Variants in SORCS1 observed in about 807,000 individuals in gnomAD.
The protein encoded by SORCS1 is sortilin related VPS10 domain containing receptor 1.
SORCS1 carries 60 observed loss-of-function variants against 146.1 expected under a neutral mutation model. The observed-to-expected ratio is 0.41, with a 90% CI of 0.33 to 0.51. The LOEUF is 0.51. SORCS1 is among the 20% of genes least tolerant of loss of function. The pLI is 0.21. For missense variants in SORCS1, 1,352 were observed against 1,487.6 expected (o/e 0.91, Z 1.50); for synonymous variants, 637 against 584.0 (o/e 1.09, Z -1.31).
chr10:106,965,779 T>G (rs541224841), intron 1 of SORCS1, among the ~76,000 whole-genome samples: 10 of 152,330 alleles, frequency 6.6e-5, no homozygotes, highest in African/African-American at 2.4e-4. Context: ...TGAAATGCCC[T>G]CGCTTTCTGT....
chr10:107,139,794 G>C (rs1182218840), intron 1 of SORCS1, among the ~76,000 whole-genome samples: 1 of 152,142 alleles, frequency 6.6e-6, no homozygotes, highest in Non-Finnish European at 1.5e-5. Flanking sequence ...TAATAACCCA[G>C]ACATGGCTAA....
At chr10:106,785,498 T>C (rs1032604369) in intron 3 of SORCS1, among the ~76,000 whole-genome samples, 1 of 152,212 alleles carries the variant, frequency 6.6e-6, no homozygotes, top group African/African-American at 2.4e-5. Flanking sequence ...TGTCCAGTGA[T>C]GGTTTATTTC....
chr10:107,122,108 T>C (rs1026170968), intron 1 of SORCS1, among the ~76,000 whole-genome samples: 6 of 152,172 alleles, frequency 3.9e-5, no homozygotes, highest in African/African-American at 1.4e-4. Flanking sequence ...AGACTGGTTT[T>C]GGCTTTGTCT....
chr10:106,669,023 A>G (rs1851384101), intron 16 of SORCS1, among the ~76,000 whole-genome samples: 1 of 152,140 alleles, frequency 6.6e-6, no homozygotes, highest in African/African-American at 2.4e-5. Context: ...CAGAAATCCC[A>G]CTGGACCAGA....
intron 21 of SORCS1, among the ~76,000 whole-genome samples, chr10:106,615,805 AC>A (rs1267407162): frequency 1.3e-5 from 2 of 152,136 alleles, no homozygotes; most frequent in Non-Finnish European, 2.9e-5. Flanking sequence ...AGAGTGATTC[AC>A]CCTTGGGTGA....
At chr10:107,140,584 T>C (rs72814906) in intron 1 of SORCS1, among the ~76,000 whole-genome samples, 10,266 of 152,272 alleles carry the variant, frequency 0.067, 366 homozygotes, top group Non-Finnish European at 0.078. Context: ...AGTAGAAAAT[T>C]CTTACATTAT....
At chr10:106,615,360 G>A (rs1847286232) in intron 21 of SORCS1, among the ~76,000 whole-genome samples, 1 of 152,154 alleles carries the variant, frequency 6.6e-6, no homozygotes, top group Non-Finnish European at 1.5e-5. Context: ...TAATCACACT[G>A]GAAACCCACG....
At chr10:106,830,472 G>T (rs189261075) in intron 2 of SORCS1, among the ~76,000 whole-genome samples, 209 of 150,518 alleles carry the variant, frequency 1.4e-3, no homozygotes, top group African/African-American at 4.8e-3. Flanking sequence ...CTTATTCAAA[G>T]AAATTTAAAA....
intron 24 of SORCS1, among the ~76,000 whole-genome samples, chr10:106,591,896 A>G (rs551154127): frequency 1.3e-5 from 2 of 152,324 alleles, no homozygotes; most frequent in East Asian, 1.9e-4. Context: ...AAATATTCCA[A>G]TCTGGAATAT....
chr10:106,750,903 T>C (rs1293386581), intron 5 of SORCS1, among the ~76,000 whole-genome samples: 1 of 140,518 alleles, frequency 7.1e-6, no homozygotes, highest in Non-Finnish European at 1.6e-5. Context: ...ACTAAAAATA[T>C]AAAAAAATCA....
chr10:106,671,444 G>A, intron 15 of SORCS1, 77 bp from the exon 16 acceptor site: 1 of 1,581,330 alleles, frequency 6.3e-7, no homozygotes, highest in Non-Finnish European at 8.6e-7. Flanking sequence ...GACATTTAGG[G>A]AGACATTTGC....
intron 2 of SORCS1, among the ~76,000 whole-genome samples, chr10:106,865,593 C>T (rs1227857547): frequency 2.6e-5 from 4 of 151,768 alleles, no homozygotes; most frequent in Non-Finnish European, 4.4e-5. Flanking sequence ...GGCGTGGCAG[C>T]GGGCACCTGT....
intron 2 of SORCS1, among the ~76,000 whole-genome samples, chr10:106,894,270 CGTGTGTGTGTGTGT>C (rs3982431): frequency 9.9e-5 from 14 of 141,456 alleles, no homozygotes; most frequent in African/African-American, 2.3e-4. Context: ...CGCACGTGTG[CGTGTGTGTGTGTGT>C]GTGTGTGTGT....
intron 2 of SORCS1, among the ~76,000 whole-genome samples, chr10:106,928,273 G>A (rs1430504153): frequency 6.6e-6 from 1 of 152,238 alleles, no homozygotes. Context: ...AAGGCCAGGC[G>A]AGAAATCGAG....
rs142672801 is a variant in SORCS1, at chr10:106,894,237, A to ATG, written c.626+62274_626+62275dup. Among the ~76,000 whole-genome samples the ATG allele has an allele frequency of 1.3e-3, 187 of 140,932 alleles. 1 individual carries two copies. In the South Asian group the frequency reaches 0.016, roughly 12 times the overall value. 92.5% of individuals were successfully genotyped at this position (140,932 alleles called of 152,430 possible). A position where few individuals can be genotyped will look rare whatever the true frequency, so the allele number is the denominator to read the frequency against. ...TAGGAAGTTAGTGGGGCATGTGTGC[A>ATG]TGTGTGTGTGTGTGTGCGCGCGCGC... On this transcript the variant is annotated intron_variant, in intron 2 of 25. Coordinates refer to ENST00000263054, the MANE Select transcript of SORCS1 (RefSeq NM_052918.5).
At chr10:106,829,539 A>G in intron 3 of SORCS1, 35 bp downstream of exon 3, 1 of 1,488,794 alleles carries the variant, frequency 6.7e-7, no homozygotes, top group Non-Finnish European at 9.3e-7. Context: ...AAGTCACATC[A>G]TGAATGAGTA....
intron 1 of SORCS1, among the ~76,000 whole-genome samples, chr10:107,068,894 C>T (rs538781892): frequency 8.3e-4 from 125 of 151,270 alleles, no homozygotes; most frequent in Middle Eastern, 3.4e-3. Context: ...AAGGAAACCT[C>T]ACCATGATCT....
chr10:106,659,662 A>T (rs1328726590), intron 17 of SORCS1, among the ~76,000 whole-genome samples: 1 of 152,156 alleles, frequency 6.6e-6, no homozygotes, highest in African/African-American at 2.4e-5. Flanking sequence ...CACACAGGGG[A>T]TGACTGGCAC....
intron 2 of SORCS1, among the ~76,000 whole-genome samples, chr10:106,843,712 G>T (rs1267627912): frequency 2.0e-5 from 3 of 152,160 alleles, no homozygotes; most frequent in Non-Finnish European, 2.9e-5. Context: ...TGGGATTACA[G>T]GCGTGAGCCA....
Sources: allele counts gnomAD v4.1 joint callset (sites outside exome capture counted in the v4.1 genomes callset), GRCh38; gene constraint gnomAD v4.1.1; transcripts MANE v1.5; gene names NCBI Gene and HGNC (gene_info 2026-07-23, HGNC 2026-07-21).